The following ZC3H11A variants were observed in gnomAD, a reference collection of about 807,000 sequenced individuals.
ZC3H11A encodes the protein zinc finger CCCH-type containing 11A, also known as zinc finger CCCH domain-containing protein 11A.
A neutral mutation model predicts 90.8 loss-of-function variants in ZC3H11A; 22 were observed. The observed-to-expected ratio is 0.24, with a 90% CI of 0.17 to 0.35. The LOEUF is 0.35. Among genes scored for constraint, ZC3H11A ranks in the 10% least tolerant of loss-of-function variants. ZC3H11A has a pLI of 1.00. For synonymous variants in ZC3H11A, 294 were observed against 339.8 expected (o/e 0.87, Z 1.48); for missense variants, 701 against 964.9 (o/e 0.73, Z 3.62).
In ZC3H11A at chr1:203,829,330, GA is replaced by G. The variant is rs1681526693; in HGVS notation, c.299-118del. The G allele has an allele frequency of 4.0e-6, 4 of 1,006,274 alleles. No homozygotes were observed. The South Asian group carries it at 6.4e-5, about 16-fold the overall frequency. The allele number at this position is 1,006,274 out of a possible 1,614,324, so 62.3% of individuals were successfully genotyped here. The stretch of plus-strand genomic sequence containing the variant: ...CCTGGGACTTTAGAACTTAAATGAG[GA>G]AATTTAGTATAAATGCTCATAAGAC... On this transcript the variant is annotated intron_variant, in intron 5 of 17. Coordinates refer to ENST00000367210, the MANE Select transcript of ZC3H11A (RefSeq NM_001376342.1).
chr1:203,844,137 G>A (rs1186590167), intron 12 of ZC3H11A, among the ~76,000 whole-genome samples: 4 of 151,948 alleles, frequency 2.6e-5, no homozygotes, highest in Admixed American at 2.0e-4. Context: ...GATTACAGGC[G>A]TGAGCCACTG....
At chr1:203,849,200 G>T (rs1688691378) in intron 14 of ZC3H11A, among the ~76,000 whole-genome samples, 1 of 152,064 alleles carries the variant, frequency 6.6e-6, no homozygotes, top group Non-Finnish European at 1.5e-5. Context: ...CGACCTTTTT[G>T]TTTATATATG....
chr1:203,841,633 T>A (rs1243113292), intron 12 of ZC3H11A, among the ~76,000 whole-genome samples: 1 of 152,072 alleles, frequency 6.6e-6, no homozygotes, highest in African/African-American at 2.4e-5. Flanking sequence ...CAAAACCGCC[T>A]TTGTCATCAT....
chr1:203,846,131 A>G (rs1244684765), intron 12 of ZC3H11A, among the ~76,000 whole-genome samples: 1 of 147,822 alleles, frequency 6.8e-6, no homozygotes, highest in Non-Finnish European at 1.5e-5. Context: ...AAAAAAAAAA[A>G]AAAAGATTTT....
intron 12 of ZC3H11A, among the ~76,000 whole-genome samples, chr1:203,846,160 T>TG (rs35704322): frequency 0.12 from 15,510 of 131,834 alleles, 1,187 homozygotes; most frequent in Non-Finnish European, 0.17. Context: ...ATAATTTTTT[T>TG]GGGGGGGGGG....
At chr1:203,819,880 C>T (rs981887576) in intron 4 of ZC3H11A, among the ~76,000 whole-genome samples, 8 of 151,484 alleles carry the variant, frequency 5.3e-5, no homozygotes, top group African/African-American at 1.7e-4. Context: ...ATATTACCAT[C>T]GTTTAATCCT....
In ZC3H11A at chr1:203,852,645, C is replaced by G; in HGVS notation, c.*246C>G. ...CTTTTGAGAAAAAAGTTCTGTCATA[C>G]CCTTCTCTCCACAAAAAAGAGACTG... On this transcript the variant is annotated 3_prime_UTR_variant, in exon 18 of 18. Coordinates refer to ENST00000367210, the MANE Select transcript of ZC3H11A (RefSeq NM_001376342.1). 2 of 502,902 alleles carry G rather than the reference C, an allele frequency of 4.0e-6. No homozygotes were observed. The highest frequency in any genetic ancestry group is 4.4e-5 in the South Asian group (2 of 45,214). 31.2% of individuals were successfully genotyped at this position (502,902 alleles called of 1,614,324 possible).
chr1:203,834,183 GT>G, intron 10 of ZC3H11A: 2 of 621,642 alleles, frequency 3.2e-6, no homozygotes, highest in Non-Finnish European at 4.1e-6. Context: ...AATATAATGT[GT>G]GTCTCTTAGA....
chr1:203,812,460 C>T (rs1446395944), intron 2 of ZC3H11A, among the ~76,000 whole-genome samples: 1 of 151,864 alleles, frequency 6.6e-6, no homozygotes, highest in Admixed American at 6.6e-5. Context: ...TGATTTTGTT[C>T]CTTTTTATTG....
At position 203,831,680 on chromosome 1, in the gene ZC3H11A, C is replaced by T; in HGVS notation, c.720C>T (p.Ser240=). ...ATTCAGAGGGTTCTTCAGGAGTTTC[C>T]AGTCTTTTACTCCACCCTGAGCCCG... ...KKQGEGSSGV[S]SLLLHPEPVP... is the part of the protein sequence containing the mutation. The change falls in exon 9 of 18, where the codon TCC becomes TCT. Residue 240 remains serine (S), a synonymous_variant. Coordinates refer to ENST00000367210, the MANE Select transcript of ZC3H11A (RefSeq NM_001376342.1). 6.2e-7 allele frequency: 1 copy of T among 1,612,634 alleles called. No homozygotes were observed. Among genetic ancestry groups the T allele is most frequent in the South Asian group, 1.1e-5 (1 of 90,672 alleles).
chr1:203,805,123 C>T (rs1300008932), intron 2 of ZC3H11A, among the ~76,000 whole-genome samples: 1 of 149,852 alleles, frequency 6.7e-6, no homozygotes, highest in South Asian at 2.1e-4. Context: ...ATCAAAATAC[C>T]CACTTCTGAT....
At chr1:203,830,787 G>A (rs1214047545) in intron 8 of ZC3H11A, among the ~76,000 whole-genome samples, 1 of 151,912 alleles carries the variant, frequency 6.6e-6, no homozygotes, top group Non-Finnish European at 1.5e-5. Context: ...CCAGCCTGGC[G>A]ACAGATCAAG....
chr1:203,831,637 T>C (rs1682417762), intron 8 of ZC3H11A, 24 bp from the exon 9 acceptor site: 1 of 1,590,928 alleles, frequency 6.3e-7, no homozygotes, highest in Non-Finnish European at 8.6e-7. Flanking sequence ...AATTATTTGC[T>C]GTTCTTTGAC....
At chr1:203,816,748 A>T (rs1048986494) in intron 2 of ZC3H11A, among the ~76,000 whole-genome samples, 178 bp from the exon 3 acceptor site, 1 of 152,168 alleles carries the variant, frequency 6.6e-6, no homozygotes, top group African/African-American at 2.4e-5. Context: ...TTCTAGTCAA[A>T]ATTTTACATT....
At chr1:203,851,475 G>A (rs1326923012) in intron 17 of ZC3H11A, among the ~76,000 whole-genome samples, 1 of 152,110 alleles carries the variant, frequency 6.6e-6, no homozygotes. Context: ...GATTACAGGT[G>A]CCTGCCACAA....
chr1:203,818,553 TC>T lies in ZC3H11A; in HGVS notation c.55-16del. 2 of 1,608,624 alleles carry T rather than the reference TC, an allele frequency of 1.2e-6. No homozygotes were observed. Among genetic ancestry groups the T allele is most frequent in the Non-Finnish European group, 1.7e-6 (2 of 1,175,040 alleles). On this transcript the variant is annotated splice_polypyrimidine_tract_variant and intron_variant, in intron 3 of 17. Transcript: ENST00000367210. ...TATTTCAATGCTACAAATAGAGTGT[TC>T]TCTATTTGTTTACAGGGTGACAGCT...
chr1:203,800,541 ATTATCT>A (rs1312563801), intron 1 of ZC3H11A: 6 of 1,323,638 alleles, frequency 4.5e-6, no homozygotes, highest in Admixed American at 6.4e-5. Flanking sequence ...AAATATAATC[ATTATCT>A]TTATAAACAC....
rs75665507 is a variant in ZC3H11A, at chr1:203,816,148, T to C, written c.-145-778T>C. On this transcript the variant is annotated intron_variant, in intron 2 of 17. Coordinates refer to ENST00000367210, the MANE Select transcript of ZC3H11A (RefSeq NM_001376342.1). ...TGATTATATACTTTTGGAATAAAAA[T>C]GCTTGTGAAAATATTTGAAGTTTTT... Among the ~76,000 whole-genome samples, 279 of 152,354 alleles carry C rather than the reference T, an allele frequency of 1.8e-3. 7 individuals carry two copies. In the East Asian group the frequency reaches 0.043, roughly 23 times the overall value.
At chr1:203,812,585 T>TC (rs1196772670) in intron 2 of ZC3H11A, among the ~76,000 whole-genome samples, 1 of 147,410 alleles carries the variant, frequency 6.8e-6, no homozygotes, top group East Asian at 1.9e-4. Context: ...TAAATTTTTT[T>TC]TTTTTTTTTT....
Sources: allele counts gnomAD v4.1 joint callset (sites outside exome capture counted in the v4.1 genomes callset), GRCh38; gene constraint gnomAD v4.1.1; transcripts MANE v1.5; gene names NCBI Gene and HGNC (gene_info 2026-07-23, HGNC 2026-07-21).